Variants in JAKMIP1 observed in about 807,000 individuals in gnomAD.
JAKMIP1 encodes janus kinase and microtubule interacting protein 1.
JAKMIP1 carries 33 observed loss-of-function variants against 113.0 expected under a neutral mutation model. That is an observed-to-expected ratio of 0.29 (90% CI 0.22 to 0.39). The LOEUF is 0.39. Ranked by LOEUF, JAKMIP1 falls within the 10% of genes least tolerant of loss-of-function variation. JAKMIP1 has a pLI of 1.00. For synonymous variants in JAKMIP1, 480 were observed against 459.9 expected (o/e 1.04, Z -0.56); for missense variants, 813 against 1,080.5 (o/e 0.75, Z 3.47).
intron 1 of JAKMIP1, among the ~76,000 whole-genome samples, chr4:6,120,811 G>A (rs914980863): frequency 6.6e-6 from 1 of 152,142 alleles, no homozygotes; most frequent in African/African-American, 2.4e-5. Flanking sequence ...GAGACTCAGA[G>A]GCTGTCCGAG....
rs1452430143 is a variant in JAKMIP1, at chr4:6,042,203, C to A, written c.2053G>T (p.Glu685Ter). 2 of 1,613,764 alleles carry A rather than the reference C, an allele frequency of 1.2e-6. No individual in the cohort carries two copies. Among genetic ancestry groups the A allele is most frequent in the Non-Finnish European group, 1.7e-6 (2 of 1,179,876 alleles). ...AGCATCTTCTGGGTCAGGGCGGCCT[C>A]GGTCCCCTCTATTTGCTTCAGCCAC... ...EKWLKQIEGTEAALTQKMLDL... is the reference protein window; with the variant it reads ...EKWLKQIEGT Residue 685 changes from glutamate to a stop codon, truncating the protein, a stop_gained, in exon 17 of 21, where the codon GAG (glutamate) becomes TAG (stop). Coordinates refer to ENST00000409021, the MANE Select transcript of JAKMIP1 (RefSeq NM_001099433.2). LOFTEE classifies it high-confidence loss of function. The surrounding 1 kb of genome is among the most constrained non-coding windows in gnomAD (Gnocchi z 5.2).
chr4:6,178,883 G>T lies in JAKMIP1; in HGVS notation c.-148+21370C>A, dbSNP rs1725703992. ...GATTAAGGTCCCTCCCTCTTCACAT[G>T]GGATTGTTCACCAGCTGTCTCCCTG... On this transcript the variant is annotated intron_variant, in intron 1 of 20. Coordinates refer to ENST00000409021, the MANE Select transcript of JAKMIP1 (RefSeq NM_001099433.2). This position sits in a 1 kb window ranked among gnomAD's most constrained non-coding sequence, Gnocchi z 5.5. Among the ~76,000 whole-genome samples the T allele has an allele frequency of 6.6e-6, 1 of 152,176 alleles. No individual in the cohort carries two copies. The highest frequency in any genetic ancestry group is 1.5e-5 in the Non-Finnish European group (1 of 68,046).
chr4:6,053,757 T>C, intron 13 of JAKMIP1: 1 of 1,228,740 alleles, frequency 8.1e-7, no homozygotes, highest in Non-Finnish European at 1.0e-6. Context: ...AGGCAAAATA[T>C]TGCAAAAACA....
intron 13 of JAKMIP1, 71 bp downstream of exon 13, chr4:6,053,979 A>G (rs142212272): frequency 1.1e-5 from 17 of 1,612,590 alleles, no homozygotes; most frequent in Non-Finnish European, 1.4e-5. Flanking sequence ...AGAGCTTTAC[A>G]TGAATTTCAG....
chr4:6,030,118 A>G (rs887262240), intron 19 of JAKMIP1, among the ~76,000 whole-genome samples: 1 of 152,230 alleles, frequency 6.6e-6, no homozygotes, highest in African/African-American at 2.4e-5. Flanking sequence ...GATCTTTTAA[A>G]AACAAAACAT....
At chr4:6,127,537 C>G (rs1717869902) in intron 1 of JAKMIP1, among the ~76,000 whole-genome samples, 1 of 152,192 alleles carries the variant, frequency 6.6e-6, no homozygotes. Flanking sequence ...TGGGACCTCA[C>G]TGGCACGTTG....
In JAKMIP1 at chr4:6,163,243, T is replaced by C. The variant is rs747506562; in HGVS notation, c.-148+37010A>G. On this transcript the variant is annotated intron_variant, in intron 1 of 20. Transcript: ENST00000409021. ...AAATTGAAGGGTTGTGGCAACCCTG[T>C]GATGAGCAAGTCTATCCGTGTCATT... 2.6e-5 allele frequency among the ~76,000 whole-genome samples: 4 copies of C among 152,244 alleles called. No homozygotes were observed. The East Asian group carries it at 5.8e-4, about 22-fold the overall frequency.
Position 6,078,436 on chromosome 4 carries a change from G to A in JAKMIP1, c.1302+503C>T, listed in dbSNP as rs187453611. ...TTTTTTTTGGTATCAGCTCCAGTGC[G>A]CTCTTTACATTCCAGATTGGTCCCT... On this transcript the variant is annotated intron_variant, in intron 8 of 20. Transcript: ENST00000409021. Among the ~76,000 whole-genome samples, 453 of 146,250 alleles carry A rather than the reference G, an allele frequency of 3.1e-3. 3 individuals carry two copies. In the Middle Eastern group the frequency reaches 0.042, roughly 14 times the overall value.
At chr4:6,166,381 GC>G (rs1338477106) in intron 1 of JAKMIP1, among the ~76,000 whole-genome samples, 1 of 152,178 alleles carries the variant, frequency 6.6e-6, no homozygotes, top group African/African-American at 2.4e-5. Flanking sequence ...AGTGGCCCAG[GC>G]CACTTCCTGG....
At chr4:6,117,128 G>A (rs1715905744) in intron 1 of JAKMIP1, among the ~76,000 whole-genome samples, 1 of 152,210 alleles carries the variant, frequency 6.6e-6, no homozygotes, top group South Asian at 2.1e-4. Context: ...CAGAGTTCAA[G>A]CCCTGCTCTG....
Position 6,143,711 on chromosome 4 carries a change from G to A in JAKMIP1, c.-147-30714C>T, listed in dbSNP as rs150196153. Among the ~76,000 whole-genome samples the A allele has an allele frequency of 2.0e-5, 3 of 152,336 alleles. No homozygotes were observed. The highest frequency in any genetic ancestry group is 4.1e-4 in the South Asian group (2 of 4,828). On this transcript the variant is annotated intron_variant, in intron 1 of 20. Coordinates refer to ENST00000409021, the MANE Select transcript of JAKMIP1 (RefSeq NM_001099433.2). The surrounding 1 kb of genome is among the most constrained non-coding windows in gnomAD (Gnocchi z 4.9). ...TCAACAGTAACCTACTGAACAGAAC[G>A]TGGGGGTGGACTCAGCAGTGTGGGT...
At chr4:6,132,825 A>G (rs1718697068) in intron 1 of JAKMIP1, among the ~76,000 whole-genome samples, 1 of 152,154 alleles carries the variant, frequency 6.6e-6, no homozygotes, top group Admixed American at 6.5e-5. Context: ...GGGTGGATCA[A>G]AAAACAAGGC....
chr4:6,071,702 G>A (rs1718980788), intron 8 of JAKMIP1, among the ~76,000 whole-genome samples: 1 of 152,210 alleles, frequency 6.6e-6, no homozygotes, highest in African/African-American at 2.4e-5. Context: ...ACCCACACCA[G>A]CTGCAGCTCC....
chr4:6,074,936 C>T (rs138318850), intron 8 of JAKMIP1, among the ~76,000 whole-genome samples: 2 of 152,352 alleles, frequency 1.3e-5, no homozygotes, highest in Non-Finnish European at 2.9e-5. Context: ...GTGTAGGAGG[C>T]TAGACCATCT....
chr4:6,191,794 A>G (rs1008913052), intron 1 of JAKMIP1, among the ~76,000 whole-genome samples: 9 of 152,186 alleles, frequency 5.9e-5, no homozygotes, highest in Admixed American at 3.9e-4. Context: ...TTAATAATAC[A>G]TTTCATTTAG....
intron 1 of JAKMIP1, among the ~76,000 whole-genome samples, chr4:6,163,916 C>A (rs1723260851): frequency 6.6e-6 from 1 of 152,164 alleles, no homozygotes; most frequent in Non-Finnish European, 1.5e-5. Flanking sequence ...GGAGAAGCTG[C>A]AGAATAAAAG....
In JAKMIP1 at chr4:6,042,042, C is replaced by T. The variant is rs536434417; in HGVS notation, c.2097+117G>A. ...CTTAGAACAACCACTGGGGCAAAAG[C>T]AAAATTGAGAAATGCATGCAAATCA... On this transcript the variant is annotated intron_variant, in intron 17 of 20. Transcript: ENST00000409021. This position sits in a 1 kb window ranked among gnomAD's most constrained non-coding sequence, Gnocchi z 5.2. The T allele has an allele frequency of 2.4e-6, 2 of 840,918 alleles. No homozygotes were observed. Among genetic ancestry groups the T allele is most frequent in the East Asian group, 5.0e-5 (2 of 39,870 alleles). The allele number at this position is 840,918 out of a possible 1,614,324, so 52.1% of individuals were successfully genotyped here.
Position 6,042,093 on chromosome 4 carries a change from C to T in JAKMIP1, c.2097+66G>A. The T allele has an allele frequency of 1.5e-6, 2 of 1,312,712 alleles. No individual in the cohort carries two copies. The highest frequency in any genetic ancestry group is 1.8e-4 in the Middle Eastern group (1 of 5,426). The allele number at this position is 1,312,712 out of a possible 1,614,324, so 81.3% of individuals were successfully genotyped here. A position where few individuals can be genotyped will look rare whatever the true frequency, so the allele number is the denominator to read the frequency against. Reference sequence around the variant, plus strand: ...TTAGGAAAACACATGCAAAGCCTTCCTGCAAATCAACCTCTCTGAGCTCTT... The same window carrying T: ...TTAGGAAAACACATGCAAAGCCTTCTTGCAAATCAACCTCTCTGAGCTCTT... On this transcript the variant is annotated intron_variant, in intron 17 of 20. Transcript: ENST00000409021. The surrounding 1 kb of genome is among the most constrained non-coding windows in gnomAD (Gnocchi z 5.2).
chr4:6,081,574 G>A lies in JAKMIP1; in HGVS notation c.1101+35C>T, dbSNP rs756249529. 6.2e-7 allele frequency: 1 copy of A among 1,612,274 alleles called. No homozygotes were observed. Among genetic ancestry groups the A allele is most frequent in the Non-Finnish European group, 8.5e-7 (1 of 1,178,770 alleles). ...TGAAGAATCCCAGACAGAGAAGGGA[G>A]TGTCAGGGCTGTCCCCAAGGGGTCC... On this transcript the variant is annotated intron_variant, in intron 6 of 20. Coordinates refer to ENST00000409021, the MANE Select transcript of JAKMIP1 (RefSeq NM_001099433.2). The surrounding 1 kb of genome is among the most constrained non-coding windows in gnomAD (Gnocchi z 4.6).
Sources: allele counts gnomAD v4.1 joint callset (sites outside exome capture counted in the v4.1 genomes callset), GRCh38; gene constraint gnomAD v4.1.1; non-coding constraint Gnocchi (gnomAD v3.1); transcripts MANE v1.5; gene names NCBI Gene and HGNC (gene_info 2026-07-23, HGNC 2026-07-21).